The following TANC2 variants were observed in gnomAD, a reference collection of about 807,000 sequenced individuals.
TANC2 encodes the protein protein TANC2.
In TANC2, 26 loss-of-function variants were observed where a neutral mutation model predicts 210.5. That is an observed-to-expected ratio of 0.12 (90% CI 0.09 to 0.17). TANC2 has a LOEUF of 0.17. Among genes scored for constraint, TANC2 ranks in the 10% least tolerant of loss-of-function variants. The pLI, the probability that TANC2 is intolerant of heterozygous loss-of-function variation, is 1.00. For missense variants in TANC2, 2,129 were observed against 2,608.9 expected, an observed-to-expected ratio of 0.82 and a Z score of 4.01; for synonymous variants, 931 against 967.1, an observed-to-expected ratio of 0.96 and a Z score of 0.69.
chr17:63,393,062 C>T (rs992976060), intron 17 of TANC2, among the ~76,000 whole-genome samples: 1 of 152,200 alleles, frequency 6.6e-6, no homozygotes, highest in Non-Finnish European at 1.5e-5. Flanking sequence ...GTCAGGATCT[C>T]ACATTACATT....
At chr17:62,978,485 CTATGGG>C (rs1448334996) in intron 1 of TANC2, 1 of 152,166 alleles carries the variant, frequency 6.6e-6, no homozygotes, top group African/African-American at 2.4e-5. Context: ...AGAGGGGACT[CTATGGG>C]TCCTGTGCCT....
intron 7 of TANC2, among the ~76,000 whole-genome samples, chr17:63,225,047 A>G (rs892568917): frequency 3.3e-5 from 5 of 151,648 alleles, no homozygotes; most frequent in Admixed American, 1.3e-4. Flanking sequence ...TGCATCTTCT[A>G]TCTCCCTCTA....
chr17:63,250,825 A>G (rs1194290964), intron 8 of TANC2, among the ~76,000 whole-genome samples: 3 of 152,176 alleles, frequency 2.0e-5, no homozygotes, highest in African/African-American at 7.2e-5. Flanking sequence ...CTGGTAATTT[A>G]TAAGTAATTT....
At chr17:63,297,807 T>G (rs1324523104) in intron 9 of TANC2, among the ~76,000 whole-genome samples, 1 of 152,060 alleles carries the variant, frequency 6.6e-6, no homozygotes, top group African/African-American at 2.4e-5. Context: ...TTGCAAATCA[T>G]GTATCTGATA....
At chr17:63,315,447 C>A (rs959223439) in intron 10 of TANC2, among the ~76,000 whole-genome samples, 4 of 152,134 alleles carry the variant, frequency 2.6e-5, no homozygotes, top group African/African-American at 7.2e-5. Context: ...GGCCATTCTC[C>A]TATCCATTTT....
chr17:63,015,985 G>A (rs1303038590), intron 2 of TANC2, among the ~76,000 whole-genome samples: 1 of 151,664 alleles, frequency 6.6e-6, no homozygotes, highest in African/African-American at 2.4e-5. Context: ...GCTGGTGGGG[G>A]TGGGGAGATA....
At chr17:63,334,588 G>A (rs936288708) in intron 11 of TANC2, among the ~76,000 whole-genome samples, 14 of 152,156 alleles carry the variant, frequency 9.2e-5, no homozygotes, top group African/African-American at 2.9e-4. Flanking sequence ...TACTGCTGCA[G>A]ACAAGATCCA....
intron 15 of TANC2, among the ~76,000 whole-genome samples, chr17:63,381,657 AAAG>A (rs376967835): frequency 8.5e-5 from 13 of 152,350 alleles, no homozygotes; most frequent in African/African-American, 3.1e-4. Context: ...AACCCGCTTT[AAAG>A]AAGCTCATTG....
chr17:63,326,760 C>T (rs2045662261), intron 11 of TANC2, among the ~76,000 whole-genome samples: 1 of 151,916 alleles, frequency 6.6e-6, no homozygotes, highest in Middle Eastern at 3.4e-3. Flanking sequence ...AAAAAAACTT[C>T]TAATGTTGCA....
At chr17:63,161,559 T>C (rs1289554103) in intron 5 of TANC2, among the ~76,000 whole-genome samples, 1 of 152,164 alleles carries the variant, frequency 6.6e-6, no homozygotes, top group African/African-American at 2.4e-5. Context: ...CTCCAAGTTA[T>C]CACCTTATTC....
rs747975727 is a variant in TANC2, at chr17:63,411,502, C to G, written c.3590-9C>G. On this transcript the variant is annotated splice_polypyrimidine_tract_variant and intron_variant, in intron 21 of 27. Coordinates refer to ENST00000689528, the Ensembl canonical transcript of TANC2. ...CTCCTCAGCCCTGTGCTATCACTTG[C>G]CTTTGCAGGTGCCTCCATTGCTCTT... 1 of 1,604,032 alleles carries G rather than the reference C, an allele frequency of 6.2e-7. No homozygotes were observed. Among genetic ancestry groups the G allele is most frequent in the Non-Finnish European group, 8.5e-7 (1 of 1,175,012 alleles).
intron 4 of TANC2, among the ~76,000 whole-genome samples, chr17:63,118,310 A>G (rs1185052931): frequency 6.6e-6 from 1 of 152,080 alleles, no homozygotes; most frequent in Non-Finnish European, 1.5e-5. Context: ...TTATTTTCTC[A>G]GTTGAGTTTA....
At chr17:63,274,548 TCA>T (rs1333687498) in intron 9 of TANC2, among the ~76,000 whole-genome samples, 3 of 152,118 alleles carry the variant, frequency 2.0e-5, no homozygotes, top group African/African-American at 7.2e-5. Flanking sequence ...GCATGGTGGC[TCA>T]CACCTGTAAT....
intron 11 of TANC2, among the ~76,000 whole-genome samples, chr17:63,331,025 G>A (rs1369830333): frequency 6.6e-5 from 10 of 152,270 alleles, no homozygotes; most frequent in Admixed American, 5.2e-4. Context: ...GCAGTGAGCC[G>A]AGATGACACC....
chr17:63,019,951 G>A (rs1217733781), intron 2 of TANC2, among the ~76,000 whole-genome samples: 1 of 152,214 alleles, frequency 6.6e-6, no homozygotes. Context: ...TTTTGAGACA[G>A]AGTTTCGCTC....
At chr17:63,271,614 C>T (rs188655664) in intron 9 of TANC2, among the ~76,000 whole-genome samples, 162 of 151,548 alleles carry the variant, frequency 1.1e-3, no homozygotes, top group African/African-American at 3.7e-3. Flanking sequence ...CCTTGCCCCC[C>T]CCATCCCCCA....
chr17:63,413,324 A>G (rs1332349217), intron 24 of TANC2: 3 of 444,592 alleles, frequency 6.7e-6, no homozygotes, highest in East Asian at 7.1e-5. Context: ...GCAGGCTCAC[A>G]TGGTTCAAGT....
intron 8 of TANC2, among the ~76,000 whole-genome samples, chr17:63,252,807 G>A (rs905442041): frequency 6.6e-6 from 1 of 151,818 alleles, no homozygotes; most frequent in Admixed American, 6.6e-5. Flanking sequence ...TTGTTTTGTT[G>A]TGTTTTGGTT....
intron 4 of TANC2, among the ~76,000 whole-genome samples, chr17:63,118,456 T>A (rs935098953): frequency 9.9e-5 from 15 of 152,256 alleles, no homozygotes; most frequent in African/African-American, 3.6e-4. Flanking sequence ...TTTTCTCTTT[T>A]TAGTTCCTCA....
Sources: allele counts gnomAD v4.1 joint callset (sites outside exome capture counted in the v4.1 genomes callset), GRCh38; gene constraint gnomAD v4.1.1; transcripts MANE v1.5; gene names NCBI Gene and HGNC (gene_info 2026-07-23, HGNC 2026-07-21).